NAV2: variants seen among roughly 807,000 people sequenced by gnomAD.
NAV2 encodes helicase, APC down-regulated 1.
NAV2 carries 54 observed loss-of-function variants against 223.2 expected under a neutral mutation model. That is an observed-to-expected ratio of 0.24 (90% CI 0.19 to 0.30). NAV2 has a LOEUF of 0.30. Ranked by LOEUF, NAV2 falls within the 10% of genes least tolerant of loss-of-function variation. NAV2 has a pLI of 1.00. For missense variants in NAV2, 2,806 were observed against 3,147.5 expected (o/e 0.89, Z 2.60); for synonymous variants, 1,279 against 1,239.3 (o/e 1.03, Z -0.67).
intron 26 of NAV2, among the ~76,000 whole-genome samples, chr11:20,085,968 A>T (rs534705541): frequency 1.3e-5 from 2 of 152,186 alleles, no homozygotes; most frequent in Non-Finnish European, 2.9e-5. Flanking sequence ...CAGCCTCCCA[A>T]TGAGCAGGGC....
chr11:19,347,409 C>T (rs1012263241), upstream of NAV2, among the ~76,000 whole-genome samples: 2 of 152,144 alleles, frequency 1.3e-5, no homozygotes, highest in Non-Finnish European at 2.9e-5. Flanking sequence ...CTTTAACCTC[C>T]GTCCCACCCA....
rs150478776 is a variant in NAV2, at chr11:19,926,107, GAAAA to G, written c.932-7064_932-7061del. Among the ~76,000 whole-genome samples the G allele has an allele frequency of 8.6e-3, 1,309 of 151,656 alleles. 26 individuals are homozygous for G. The highest frequency in any genetic ancestry group is 0.031 in the African/African-American group (1,263 of 41,340). Reference sequence around the variant, plus strand: ...TTTAGGATAGATTTCTGTATGTCTGGAAAAAAAAGAAAGTCACTGGAATTTTGAT... The same window carrying G: ...TTTAGGATAGATTTCTGTATGTCTGGAAAAGAAAGTCACTGGAATTTTGAT... On this transcript the variant is annotated intron_variant, in intron 6 of 37. Coordinates refer to ENST00000349880, the MANE Select transcript of NAV2 (RefSeq NM_145117.5).
At chr11:19,446,997 A>G (rs1310235199) in intron 1 of NAV2, among the ~76,000 whole-genome samples, 1 of 152,192 alleles carries the variant, frequency 6.6e-6, no homozygotes, top group Non-Finnish European at 1.5e-5. Context: ...AGAACATTGC[A>G]TGAGGAAGTG....
chr11:19,951,702 T>G (rs2047410223), intron 10 of NAV2, among the ~76,000 whole-genome samples: 1 of 152,260 alleles, frequency 6.6e-6, no homozygotes. Context: ...ACCTGAATCT[T>G]AGTGATAGCC....
rs1565595082 is a variant in NAV2, at chr11:19,936,025, A to AT, written c.2033+1748_2033+1749insT. On this transcript the variant is annotated intron_variant, in intron 7 of 37. Transcript: ENST00000349880. The stretch of plus-strand genomic sequence containing the variant: ...CAGGTGCATGCCGCCATGCCTGGCT[A>AT]ATTTTTTTTTTTTTTTTAATTTTAA... Among the ~76,000 whole-genome samples the AT allele has an allele frequency of 3.9e-3, 426 of 109,220 alleles. 14 individuals are homozygous for AT. In the South Asian group the frequency reaches 0.069, roughly 18 times the overall value. The allele number at this position is 109,220 out of a possible 152,430, so 71.7% of individuals were successfully genotyped here.
At chr11:19,462,797 T>C (rs1021890463) in intron 1 of NAV2, among the ~76,000 whole-genome samples, 6 of 152,200 alleles carry the variant, frequency 3.9e-5, no homozygotes, top group Non-Finnish European at 5.9e-5. Flanking sequence ...CTCCTCTCTA[T>C]AGACACCTGA....
At chr11:19,536,849 GC>G (rs1374608557) in intron 1 of NAV2, among the ~76,000 whole-genome samples, 4 of 152,216 alleles carry the variant, frequency 2.6e-5, no homozygotes, top group African/African-American at 9.6e-5. Flanking sequence ...CAAAAGCCCA[GC>G]TGGTATATTC....
At chr11:19,926,952 C>T (rs932540972) in intron 6 of NAV2, among the ~76,000 whole-genome samples, 1 of 152,158 alleles carries the variant, frequency 6.6e-6, no homozygotes, top group Non-Finnish European at 1.5e-5. Flanking sequence ...GGCCAGTGTC[C>T]GCCCTCACTG....
chr11:19,802,339 G>A (rs1018361074), intron 1 of NAV2, among the ~76,000 whole-genome samples: 7 of 152,108 alleles, frequency 4.6e-5, no homozygotes, highest in African/African-American at 1.7e-4. Flanking sequence ...TCCATTCCCA[G>A]AATTCTCTGA....
intron 1 of NAV2, among the ~76,000 whole-genome samples, chr11:19,743,949 C>T (rs2053097922): frequency 6.6e-6 from 1 of 152,180 alleles, no homozygotes; most frequent in Non-Finnish European, 1.5e-5. Flanking sequence ...GAGGAGGAGT[C>T]CTATTTGGGT....
At chr11:20,109,610 G>C (rs2062455821) in intron 36 of NAV2, among the ~76,000 whole-genome samples, 1 of 152,160 alleles carries the variant, frequency 6.6e-6, no homozygotes, top group Non-Finnish European at 1.5e-5. Context: ...TGTTCTCATT[G>C]ATGGCTTCCA....
intron 1 of NAV2, among the ~76,000 whole-genome samples, chr11:19,730,219 C>CA (rs1292135930): frequency 1.3e-5 from 2 of 152,172 alleles, no homozygotes; most frequent in African/African-American, 4.8e-5. Context: ...GTCGGGGGTT[C>CA]AGTGTGGGCA....
intron 1 of NAV2, among the ~76,000 whole-genome samples, chr11:19,776,631 A>AAT (rs2056214327): frequency 4.4e-5 from 1 of 22,700 alleles, no homozygotes; most frequent in African/African-American, 1.2e-4. Context: ...GGGGTCAGAA[A>AAT]ATGTGTGTGT....
At position 19,933,601 on chromosome 11, in the gene NAV2, G is replaced by A. The variant is rs779065804; in HGVS notation, c.1357G>A (p.Gly453Ser). 2 of 1,613,844 alleles carry A rather than the reference G, an allele frequency of 1.2e-6. No individual in the cohort carries two copies. Among genetic ancestry groups the A allele is most frequent in the Non-Finnish European group, 8.5e-7 (1 of 1,179,744 alleles). Residue 453 changes from glycine (G) to serine (S), a missense_variant, in exon 7 of 38, where the codon GGC becomes AGC. Coordinates refer to ENST00000349880, the MANE Select transcript of NAV2 (RefSeq NM_145117.5). This position sits in a 1 kb window ranked among gnomAD's most constrained non-coding sequence, Gnocchi z 4.3. Reference sequence around the variant, plus strand: ...CGCCAGTCGCATGCTCACCACCGTGGGCCCTGCTTCCAGCAGCCCCAAGAT... The same window carrying A: ...CGCCAGTCGCATGCTCACCACCGTGAGCCCTGCTTCCAGCAGCCCCAAGAT... ...EAASRMLTTV[G>S]PASSSPKIAL... is the part of the protein sequence containing the mutation.
intron 10 of NAV2, among the ~76,000 whole-genome samples, chr11:19,950,788 T>C (rs1483121548): frequency 6.6e-6 from 1 of 152,242 alleles, no homozygotes; most frequent in Non-Finnish European, 1.5e-5. Context: ...TTAATGTATA[T>C]ACACAGAAGC....
At chr11:19,678,318 C>T (rs758667762) in intron 1 of NAV2, among the ~76,000 whole-genome samples, 6 of 152,212 alleles carry the variant, frequency 3.9e-5, no homozygotes, top group East Asian at 1.9e-4. Flanking sequence ...AGAAATGAAA[C>T]GTAGAAAGAT....
intron 1 of NAV2, among the ~76,000 whole-genome samples, chr11:19,542,178 C>T (rs2044358829): frequency 6.6e-6 from 1 of 152,166 alleles, no homozygotes; most frequent in Admixed American, 6.5e-5. Context: ...ACTGTGCAGA[C>T]CTGACTGCTG....
At chr11:19,354,084 A>T (rs1853477725) in intron 1 of NAV2, among the ~76,000 whole-genome samples, 1 of 152,208 alleles carries the variant, frequency 6.6e-6, no homozygotes, top group African/African-American at 2.4e-5. Flanking sequence ...GGATGTTTCC[A>T]GGTTTTTGGT....
intron 1 of NAV2, among the ~76,000 whole-genome samples, chr11:19,609,524 G>A (rs1197784530): frequency 6.6e-6 from 1 of 152,130 alleles, no homozygotes; most frequent in African/African-American, 2.4e-5. Flanking sequence ...CATGGGCAAA[G>A]GTCTAAAGGC....
Sources: allele counts gnomAD v4.1 joint callset (sites outside exome capture counted in the v4.1 genomes callset), GRCh38; gene constraint gnomAD v4.1.1; non-coding constraint Gnocchi (gnomAD v3.1); transcripts MANE v1.5; gene names NCBI Gene and HGNC (gene_info 2026-07-23, HGNC 2026-07-21).